HYCC2: variants seen among roughly 807,000 people sequenced by gnomAD.
HYCC2 encodes the protein hyccin 2.
the HYCC2 span, among the ~76,000 whole-genome samples, chr2:201,034,289 T>A: frequency 6.6e-6 from 1 of 152,134 alleles, no homozygotes; most frequent in Non-Finnish European, 1.5e-5. Flanking sequence ...TCTGGGTGCT[T>A]CTGTTTTGGG....
chr2:201,035,533 T>C, the HYCC2 span, among the ~76,000 whole-genome samples: 1 of 152,208 alleles, frequency 6.6e-6, no homozygotes, highest in Non-Finnish European at 1.5e-5. Flanking sequence ...TTAACTTCTT[T>C]GCCACGGGTT....
the HYCC2 span, among the ~76,000 whole-genome samples, chr2:201,020,979 G>T: frequency 6.6e-6 from 1 of 152,178 alleles, no homozygotes; most frequent in African/African-American, 2.4e-5. Context: ...ATGTTGGCCA[G>T]GATGGTCTCA....
the HYCC2 span, chr2:201,067,337 T>C: frequency 6.6e-6 from 1 of 152,468 alleles, no homozygotes; most frequent in African/African-American, 2.4e-5. Context: ...TGAAGTTTCA[T>C]GTGTCAAAAT....
At chr2:201,033,134 C>A in the HYCC2 span, among the ~76,000 whole-genome samples, 5 of 136,102 alleles carry the variant, frequency 3.7e-5, no homozygotes, top group African/African-American at 1.4e-4. Context: ...CTTTAGAAAT[C>A]AAAAAGCTAT....
chr2:200,981,590 T>C, the HYCC2 span: 42 of 1,613,866 alleles, frequency 2.6e-5, no homozygotes, highest in Admixed American at 6.7e-5. The surrounding 1 kb of genome is among the most constrained non-coding windows in gnomAD (Gnocchi z 4.5). Context: ...TGTTTCTTCA[T>C]TGGTGTCAGC....
the HYCC2 span, among the ~76,000 whole-genome samples, chr2:201,047,679 G>GA: frequency 4.1e-5 from 6 of 147,714 alleles, no homozygotes; most frequent in East Asian, 2.0e-4. Context: ...TAAGGATGGA[G>GA]AAAAAAATCA....
chr2:201,031,306 T>A, the HYCC2 span, among the ~76,000 whole-genome samples: 1 of 152,042 alleles, frequency 6.6e-6, no homozygotes, highest in African/African-American at 2.4e-5. Context: ...ACAATGAAAA[T>A]TGGAATCAGA....
chr2:200,990,364 G>A, the HYCC2 span, among the ~76,000 whole-genome samples: 1 of 151,982 alleles, frequency 6.6e-6, no homozygotes, highest in Non-Finnish European at 1.5e-5. Context: ...GTAACATAAA[G>A]AATGCCTTCC....
At chr2:201,063,289 G>A in the HYCC2 span, 8 of 1,542,798 alleles carry the variant, frequency 5.2e-6, no homozygotes, top group South Asian at 4.5e-5. Context: ...CTGTGAAGGA[G>A]GTGGAGGCAG....
chr2:201,006,436 C>T, the HYCC2 span, among the ~76,000 whole-genome samples: 29 of 151,734 alleles, frequency 1.9e-4, no homozygotes, highest in Non-Finnish European at 3.5e-4. Flanking sequence ...CCGCACCTGG[C>T]GAGATTTTTT....
At chr2:201,060,895 A>G in the HYCC2 span, among the ~76,000 whole-genome samples, 1 of 152,168 alleles carries the variant, frequency 6.6e-6, no homozygotes, top group Non-Finnish European at 1.5e-5. Flanking sequence ...TGGAGAGTAC[A>G]ACATATGGAT....
the HYCC2 span, among the ~76,000 whole-genome samples, chr2:201,055,738 T>C: frequency 2.0e-5 from 3 of 152,146 alleles, no homozygotes; most frequent in Admixed American, 1.3e-4. Flanking sequence ...GGACAAGTTA[T>C]CATAGCTCAG....
chr2:201,043,431 C>CT, the HYCC2 span, among the ~76,000 whole-genome samples: 5 of 94,336 alleles, frequency 5.3e-5, no homozygotes, highest in African/African-American at 2.2e-4. Flanking sequence ...TCAATAAATA[C>CT]TAAAAAAAAA....
chr2:200,997,496 A>G, the HYCC2 span: 1 of 1,613,820 alleles, frequency 6.2e-7, no homozygotes, highest in Non-Finnish European at 8.5e-7. Flanking sequence ...CATATATACA[A>G]TAGCAGAATT....
chr2:201,005,194 G>A, the HYCC2 span, among the ~76,000 whole-genome samples: 1 of 152,088 alleles, frequency 6.6e-6, no homozygotes, highest in Non-Finnish European at 1.5e-5. Flanking sequence ...ATGAAGGGTT[G>A]GCTTATAGGC....
At chr2:201,027,295 C>T in the HYCC2 span, among the ~76,000 whole-genome samples, 1 of 152,142 alleles carries the variant, frequency 6.6e-6, no homozygotes, top group Non-Finnish European at 1.5e-5. Flanking sequence ...AGACCAATAA[C>T]AGGTTCTGAA....
the HYCC2 span, among the ~76,000 whole-genome samples, chr2:200,983,346 C>T: frequency 6.6e-6 from 1 of 151,924 alleles, no homozygotes; most frequent in African/African-American, 2.4e-5. Flanking sequence ...ATATAGGTTA[C>T]CTAAGCAAAA....
At chr2:200,995,619 C>T in the HYCC2 span, among the ~76,000 whole-genome samples, 2 of 152,150 alleles carry the variant, frequency 1.3e-5, no homozygotes, top group South Asian at 2.1e-4. Flanking sequence ...GCTTCCAGCA[C>T]ACAGCTACAA....
At chr2:201,005,688 T>C in the HYCC2 span, among the ~76,000 whole-genome samples, 1 of 152,166 alleles carries the variant, frequency 6.6e-6, no homozygotes, top group Non-Finnish European at 1.5e-5. Flanking sequence ...AGGGAGGCAC[T>C]TGCTAGCCAG....
Sources: allele counts gnomAD v4.1 joint callset (sites outside exome capture counted in the v4.1 genomes callset), GRCh38; gene constraint gnomAD v4.1.1; non-coding constraint Gnocchi (gnomAD v3.1); transcripts MANE v1.5; gene names NCBI Gene and HGNC (gene_info 2026-07-23, HGNC 2026-07-21).